Variants in SDK1 observed in about 807,000 individuals in gnomAD.
The protein encoded by SDK1 is sidekick cell adhesion molecule 1, also known as protein sidekick-1.
In SDK1, 157 loss-of-function variants were observed where a neutral mutation model predicts 245.5. The ratio of observed to expected loss-of-function variants is 0.64; its 90% CI spans 0.56 to 0.73. The LOEUF is 0.73. SDK1 is among the 30% of genes least tolerant of loss of function. The probability of loss-of-function intolerance (pLI) is 0.00; values close to 1 mark genes in which losing one functional copy is unlikely to be tolerated. For missense variants in SDK1, 3,583 were observed against 3,002.3 expected, an observed-to-expected ratio of 1.19 and a Z score of -4.52; for synonymous variants, 1,647 against 1,278.5, an observed-to-expected ratio of 1.29 and a Z score of -6.15.
intron 5 of SDK1, among the ~76,000 whole-genome samples, chr7:3,906,196 G>A (rs73674337): frequency 0.028 from 4,220 of 152,044 alleles, 222 homozygotes; most frequent in African/African-American, 0.097. Flanking sequence ...TTTCATTTGT[G>A]TTTCCATTTG....
chr7:4,003,492 T>C (rs1785230640), intron 14 of SDK1, among the ~76,000 whole-genome samples: 1 of 152,136 alleles, frequency 6.6e-6, no homozygotes, highest in Non-Finnish European at 1.5e-5. Context: ...TCTTTCCCGC[T>C]CTGTTGCAGG....
In SDK1 at chr7:3,626,311, G is replaced by C. The variant is rs115918430; in HGVS notation, c.458+7072G>C. On this transcript the variant is annotated intron_variant, in intron 2 of 44. Coordinates refer to ENST00000404826, the MANE Select transcript of SDK1 (RefSeq NM_152744.4). ...TTCCTTGAACCCCTCAGTGTAACTT[G>C]TACCTGCTGTTAAGTCTAATTCATG... Among the ~76,000 whole-genome samples the C allele has an allele frequency of 2.0e-3, 310 of 152,310 alleles. 4 individuals are homozygous for C. The highest frequency in any genetic ancestry group is 7.3e-3 in the African/African-American group (304 of 41,566).
At chr7:3,857,307 AAG>A (rs1448202065) in intron 5 of SDK1, among the ~76,000 whole-genome samples, 7 of 152,274 alleles carry the variant, frequency 4.6e-5, no homozygotes, top group Non-Finnish European at 8.8e-5. Context: ...AAAGGGGAAA[AAG>A]AAACTGAAAA....
Position 3,639,049 on chromosome 7 carries a change from C to T in SDK1, c.504C>T (p.Arg168=). 2 of 1,606,204 alleles carry T rather than the reference C, an allele frequency of 1.2e-6. No homozygotes were observed. Among genetic ancestry groups the T allele is most frequent in the Non-Finnish European group, 8.5e-7 (1 of 1,174,148 alleles). ...SLQKLDAGFY[R]CVVRNRMGAL... ...AGAAGCTCGATGCTGGGTTTTACCG[C>T]TGCGTGGTGCGAAACAGAATGGGAG... The change falls in exon 3 of 45, where the codon CGC becomes CGT. Residue 168 remains arginine (R), a synonymous_variant. Coordinates refer to ENST00000404826, the MANE Select transcript of SDK1 (RefSeq NM_152744.4).
At chr7:3,655,448 A>AATATATATATATATATATATAT (rs1194322286) in intron 4 of SDK1, among the ~76,000 whole-genome samples, 1 of 66,334 alleles carries the variant, frequency 1.5e-5, no homozygotes, top group African/African-American at 7.5e-5. Context: ...AAACAAAACA[A>AATATATATATATATATATATAT]ATATATATAT....
At chr7:3,956,991 C>T (rs978127268) in intron 7 of SDK1, among the ~76,000 whole-genome samples, 20 of 152,148 alleles carry the variant, frequency 1.3e-4, no homozygotes, top group African/African-American at 3.9e-4. Context: ...TAGGTGCCGA[C>T]CATTGTTATC....
rs576516109 is a variant in SDK1, at chr7:4,198,836, CAG to C, written c.5099-7040_5099-7039del. On this transcript the variant is annotated intron_variant, in intron 35 of 44. Transcript: ENST00000404826. Reference sequence around the variant, plus strand: ...GCTTTTTTTTTTTTTTCCTTTGAGACAGAGTCTTGCTTTGTCGCCCAGGCTGG... The same window carrying C: ...GCTTTTTTTTTTTTTTCCTTTGAGACAGTCTTGCTTTGTCGCCCAGGCTGG... Among the ~76,000 whole-genome samples the C allele has an allele frequency of 7.2e-4, 106 of 146,542 alleles. 1 individual carries two copies. Among genetic ancestry groups the C allele is most frequent in the African/African-American group, 2.5e-3 (97 of 39,398 alleles).
At position 4,227,645 on chromosome 7, in the gene SDK1, G is replaced by A. The variant is rs1026579921; in HGVS notation, c.5828-5610G>A. Among the ~76,000 whole-genome samples the A allele has an allele frequency of 5.3e-5, 8 of 152,320 alleles. No homozygotes were observed. The East Asian group carries it at 5.8e-4, about 11-fold the overall frequency. ...CCAGAAATCTCAGGCAGTGAATGACGGTTTCATTCAGCATGGAGACCCTGT... is the reference window on the plus strand; with the variant it reads ...CCAGAAATCTCAGGCAGTGAATGACAGTTTCATTCAGCATGGAGACCCTGT... On this transcript the variant is annotated intron_variant, in intron 40 of 44. Transcript: ENST00000404826.
chr7:3,497,808 TGACA>T (rs1421871770), intron 1 of SDK1, among the ~76,000 whole-genome samples: 1 of 152,218 alleles, frequency 6.6e-6, no homozygotes, highest in Non-Finnish European at 1.5e-5. Flanking sequence ...CACAATAATT[TGACA>T]GACAAACACT....
chr7:3,365,846 G>A (rs1233883759), intron 1 of SDK1, among the ~76,000 whole-genome samples: 6 of 151,542 alleles, frequency 4.0e-5, no homozygotes, highest in Non-Finnish European at 8.8e-5. Flanking sequence ...AGACCAGCCT[G>A]GCCAACATGG....
At chr7:4,034,556 A>G (rs2128159811) in intron 17 of SDK1, among the ~76,000 whole-genome samples, 1 of 152,346 alleles carries the variant, frequency 6.6e-6, no homozygotes, top group South Asian at 2.1e-4. Flanking sequence ...GCGTTTAAAA[A>G]TGTTTCTCAT....
intron 1 of SDK1, among the ~76,000 whole-genome samples, chr7:3,545,640 C>G (rs569679633): frequency 2.0e-5 from 3 of 152,338 alleles, no homozygotes; most frequent in Non-Finnish European, 2.9e-5. Flanking sequence ...TGGCAACCCT[C>G]TGCTATGGTG....
rs1227310328 is a variant in SDK1, at chr7:3,974,763, G to A, written c.1994+218G>A. 3 of 499,296 alleles carry A rather than the reference G, an allele frequency of 6.0e-6. No individual in the cohort carries two copies. In the Admixed American group the frequency reaches 1.1e-4, roughly 18 times the overall value. The allele number at this position is 499,296 out of a possible 1,614,324, so 30.9% of individuals were successfully genotyped here. A position where few individuals can be genotyped will look rare whatever the true frequency, so the allele number is the denominator to read the frequency against. Reference sequence around the variant, plus strand: ...AGAAGTTTCGTTTTTGGTGTAGATGGTGTGATCATTGGTTTTTATTTCAGT... The same window carrying A: ...AGAAGTTTCGTTTTTGGTGTAGATGATGTGATCATTGGTTTTTATTTCAGT... On this transcript the variant is annotated intron_variant, in intron 13 of 44. Coordinates refer to ENST00000404826, the MANE Select transcript of SDK1 (RefSeq NM_152744.4).
At chr7:3,741,914 G>C (rs1208472534) in intron 4 of SDK1, among the ~76,000 whole-genome samples, 4 of 150,390 alleles carry the variant, frequency 2.7e-5, no homozygotes, top group Admixed American at 6.6e-5. Context: ...GCAATATCCA[G>C]GTATCTTGAC....
At chr7:3,446,108 A>G (rs1780334221) in intron 1 of SDK1, among the ~76,000 whole-genome samples, 1 of 152,102 alleles carries the variant, frequency 6.6e-6, no homozygotes, top group African/African-American at 2.4e-5. Context: ...TTCTAATGAG[A>G]AATTCTGTCA....
chr7:3,540,404 C>A (rs1291398301), intron 1 of SDK1, among the ~76,000 whole-genome samples: 4 of 152,028 alleles, frequency 2.6e-5, no homozygotes, highest in Non-Finnish European at 5.9e-5. Flanking sequence ...GATACTTCAT[C>A]TCAAAAACAA....
At chr7:4,077,268 T>C (rs1213882179) in intron 21 of SDK1, 79 bp downstream of exon 21, 1 of 1,398,140 alleles carries the variant, frequency 7.2e-7, no homozygotes, top group East Asian at 2.4e-5. Context: ...ATTGGCACTT[T>C]GGTGTGGAAG....
intron 1 of SDK1, among the ~76,000 whole-genome samples, chr7:3,414,527 A>G (rs1779308675): frequency 6.6e-6 from 1 of 152,194 alleles, no homozygotes; most frequent in African/African-American, 2.4e-5. Flanking sequence ...CTTGATCACA[A>G]AAAATGAAGT....
At chr7:3,850,758 C>CA (rs1232231957) in intron 5 of SDK1, among the ~76,000 whole-genome samples, 1 of 145,760 alleles carries the variant, frequency 6.9e-6, no homozygotes, top group African/African-American at 2.5e-5. Flanking sequence ...ATCGCAAGAA[C>CA]AAAAAAACCA....
Sources: allele counts gnomAD v4.1 joint callset (sites outside exome capture counted in the v4.1 genomes callset), GRCh38; gene constraint gnomAD v4.1.1; transcripts MANE v1.5; gene names NCBI Gene and HGNC (gene_info 2026-07-23, HGNC 2026-07-21).